FARP2: variants seen among roughly 807,000 people sequenced by gnomAD.
FARP2 encodes FERM, ARH/RhoGEF and pleckstrin domain protein 2.
A neutral mutation model predicts 130.5 loss-of-function variants in FARP2; 111 were observed. The observed-to-expected ratio is 0.85, with a 90% CI of 0.73 to 1.00. The LOEUF is 1.00. Among genes scored for constraint, FARP2 ranks in the 50% least tolerant of loss-of-function variants. FARP2 has a pLI of 0.00. For synonymous variants in FARP2, 504 were observed against 516.9 expected, an observed-to-expected ratio of 0.98 and a Z score of 0.34; for missense variants, 1,385 against 1,346.3, an observed-to-expected ratio of 1.03 and a Z score of -0.45.
chr2:241,490,643 G>A (rs1306265691), intron 22 of FARP2, among the ~76,000 whole-genome samples: 1 of 152,228 alleles, frequency 6.6e-6, no homozygotes, highest in East Asian at 1.9e-4. Context: ...GCTCTGTGAG[G>A]AGTCTCAGCT....
At chr2:241,439,825 G>C (rs1190136389) in intron 12 of FARP2, among the ~76,000 whole-genome samples, 2 of 152,042 alleles carry the variant, frequency 1.3e-5, no homozygotes, top group Non-Finnish European at 2.9e-5. Flanking sequence ...GTGAGGCATG[G>C]TAGGCGCGTA....
intron 1 of FARP2, among the ~76,000 whole-genome samples, chr2:241,361,093 G>C (rs529559177): frequency 6.6e-6 from 1 of 151,028 alleles, no homozygotes; most frequent in Non-Finnish European, 1.5e-5. Flanking sequence ...TATTTTTCTG[G>C]TAACTGATCT....
intron 13 of FARP2, chr2:241,442,376 C>G (rs1414596225): frequency 2.2e-6 from 1 of 456,718 alleles, no homozygotes; most frequent in Non-Finnish European, 4.4e-6. Context: ...AGCACAGAGT[C>G]AGACTCATGG....
At position 241,441,535 on chromosome 2, in the gene FARP2, C is replaced by G. The variant is rs143138810; in HGVS notation, c.1390C>G (p.Pro464Ala). The G allele has an allele frequency of 7.1e-5, 115 of 1,614,088 alleles. No individual in the cohort carries two copies. The African/African-American group carries it at 1.2e-3, about 17-fold the overall frequency. The change falls in exon 13 of 27, where the codon CCC (proline) becomes GCC (alanine). Residue 464 changes from proline (P) to alanine (A), a missense_variant. Coordinates refer to ENST00000264042, the MANE Select transcript of FARP2 (RefSeq NM_014808.4). ...DTPSAQPLGP[P>A]ALQPGPGLST... The stretch of plus-strand genomic sequence containing the variant: ...ACCATCGGCCCAGCCCCTCGGGCCC[C>G]CCGCACTCCAGCCTGGTCCAGGTGT...
At chr2:241,477,042 A>G (rs889193864) in intron 19 of FARP2, among the ~76,000 whole-genome samples, 5 of 151,910 alleles carry the variant, frequency 3.3e-5, no homozygotes, top group Non-Finnish European at 7.4e-5. Flanking sequence ...GGCATTTCAT[A>G]GAAATGGTAT....
At chr2:241,460,993 T>G (rs963966414) in intron 14 of FARP2, among the ~76,000 whole-genome samples, 1 of 152,156 alleles carries the variant, frequency 6.6e-6, no homozygotes, top group African/African-American at 2.4e-5. Context: ...ACAGGATAAA[T>G]GTGCCTCTGT....
chr2:241,421,377 TATC>T (rs1436629318), intron 8 of FARP2, among the ~76,000 whole-genome samples: 1 of 152,146 alleles, frequency 6.6e-6, no homozygotes, highest in African/African-American at 2.4e-5. Flanking sequence ...AGCCAAGCAG[TATC>T]ATTCTGTGAG....
chr2:241,413,807 A>G (rs958981350), intron 7 of FARP2, among the ~76,000 whole-genome samples: 8 of 152,032 alleles, frequency 5.3e-5, no homozygotes, highest in Non-Finnish European at 1.0e-4. Flanking sequence ...AGCTGGGCTA[A>G]TGGCAGGCAC....
rs1256444874 is a variant in FARP2 at position 241,356,325 on chromosome 2, T to A, written c.-88T>A. ...ACGCCGACGCGAGTCTGGCGGCTGCTGCTTGCGACTGCGGAGGCCGGGCGA... is the reference window on the plus strand; with the variant it reads ...ACGCCGACGCGAGTCTGGCGGCTGCAGCTTGCGACTGCGGAGGCCGGGCGA... On this transcript the variant is annotated 5_prime_UTR_variant, in exon 1 of 27. Coordinates refer to ENST00000264042, the MANE Select transcript of FARP2 (RefSeq NM_014808.4). 1 of 152,238 alleles carries A rather than the reference T, an allele frequency of 6.6e-6. No homozygotes were observed. The highest frequency in any genetic ancestry group is 1.5e-5 in the Non-Finnish European group (1 of 68,048). The allele number at this position is 152,238 out of a possible 1,614,324, so 9.4% of individuals were successfully genotyped here. A position where few individuals can be genotyped will look rare whatever the true frequency, so the allele number is the denominator to read the frequency against.
chr2:241,487,549 T>TC (rs1308514695), intron 21 of FARP2, among the ~76,000 whole-genome samples: 2 of 111,658 alleles, frequency 1.8e-5, no homozygotes, highest in African/African-American at 5.9e-5. Flanking sequence ...GCACCTGTAG[T>TC]CCCAACTACT....
chr2:241,466,704 A>G, intron 17 of FARP2: 1 of 481,492 alleles, frequency 2.1e-6, no homozygotes, highest in Non-Finnish European at 2.3e-6. Flanking sequence ...CCCCCCCACC[A>G]CCACCACCCG....
intron 1 of FARP2, among the ~76,000 whole-genome samples, chr2:241,366,112 T>C (rs1293493735): frequency 2.4e-5 from 1 of 42,306 alleles, no homozygotes; most frequent in African/African-American, 7.3e-5. Context: ...AAAATATATA[T>C]ATATATATAC....
intron 2 of FARP2, 107 bp downstream of exon 2, chr2:241,373,397 G>C (rs2061465582): frequency 2.9e-6 from 2 of 679,354 alleles, no homozygotes. Context: ...AGTTGATCAA[G>C]AGTAGCTTTG....
At chr2:241,478,531 C>A in intron 19 of FARP2, 2 of 410,900 alleles carry the variant, frequency 4.9e-6, no homozygotes, top group South Asian at 2.0e-5. Context: ...ATCAGGCTAA[C>A]CCCGACAAGG....
At chr2:241,464,924 C>T (rs531065824) in intron 17 of FARP2, among the ~76,000 whole-genome samples, 1 of 152,182 alleles carries the variant, frequency 6.6e-6, no homozygotes, top group African/African-American at 2.4e-5. Flanking sequence ...AAGTTCCCTC[C>T]TCACCGCATC....
chr2:241,456,666 C>T, intron 13 of FARP2, 81 bp from the exon 14 acceptor site: 1 of 1,416,602 alleles, frequency 7.1e-7, no homozygotes, highest in South Asian at 1.2e-5. Flanking sequence ...GTTGAATGGT[C>T]AGGAGAGTAG....
intron 4 of FARP2, among the ~76,000 whole-genome samples, chr2:241,406,941 G>C (rs2062370799): frequency 1.3e-5 from 2 of 152,188 alleles, no homozygotes; most frequent in East Asian, 3.9e-4. Context: ...TGGAGTAGCT[G>C]GGACTACAGT....
intron 8 of FARP2, among the ~76,000 whole-genome samples, chr2:241,419,396 A>T (rs1173568436): frequency 6.6e-6 from 1 of 152,212 alleles, no homozygotes; most frequent in Non-Finnish European, 1.5e-5. Flanking sequence ...ATTTCCAGAA[A>T]AAAACAAATA....
At chr2:241,406,724 A>G (rs1309801695) in intron 4 of FARP2, among the ~76,000 whole-genome samples, 1 of 152,114 alleles carries the variant, frequency 6.6e-6, no homozygotes, top group Non-Finnish European at 1.5e-5. Flanking sequence ...TCCGCCTCCC[A>G]AAGTGCTGGG....
Sources: gnomAD v4.1 joint callset for allele counts (sites outside exome capture counted in the v4.1 genomes callset) on GRCh38, gnomAD v4.1.1 for gene constraint, MANE v1.5 for transcripts, NCBI Gene and HGNC (gene_info 2026-07-23, HGNC 2026-07-21) for gene names.